The following PLCE1 variants were observed in gnomAD, a reference collection of about 807,000 sequenced individuals.
PLCE1 encodes phospholipase C epsilon 1.
A neutral mutation model predicts 242.8 loss-of-function variants in PLCE1; 119 were observed. The ratio of observed to expected loss-of-function variants is 0.49; its 90% CI spans 0.42 to 0.57. The LOEUF (loss-of-function observed/expected upper bound fraction) is 0.57, where lower values mean the gene tolerates loss of function less well. Among genes scored for constraint, PLCE1 ranks in the 20% least tolerant of loss-of-function variants. The probability of loss-of-function intolerance (pLI) is 0.00; values close to 1 mark genes in which losing one functional copy is unlikely to be tolerated. For synonymous variants in PLCE1, 945 were observed against 1,017.4 expected (o/e 0.93, Z 1.35); for missense variants, 2,441 against 2,788.8 (o/e 0.88, Z 2.81).
At chr10:94,125,922 G>A (rs2046423600) in intron 2 of PLCE1, among the ~76,000 whole-genome samples, 1 of 152,126 alleles carries the variant, frequency 6.6e-6, no homozygotes, top group Non-Finnish European at 1.5e-5. Flanking sequence ...TGTGGATGTG[G>A]TGTGTCTGGT....
intron 20 of PLCE1, chr10:94,283,207 GTTATGA>G: frequency 6.5e-6 from 1 of 152,742 alleles, no homozygotes; most frequent in Non-Finnish European, 1.5e-5. Context: ...TTTATTTTCT[GTTATGA>G]TTATCACTTA....
Position 94,298,359 on chromosome 10 carries a change from T to A in PLCE1, c.5168-20T>A. 1 of 1,612,802 alleles carries A rather than the reference T, an allele frequency of 6.2e-7. No individual in the cohort carries two copies. The highest frequency in any genetic ancestry group is 8.5e-7 in the Non-Finnish European group (1 of 1,178,792). The stretch of plus-strand genomic sequence containing the variant: ...AAAGTTTTCTACACTAATCTGCGGC[T>A]AATTTCTTGGGGGGTTTAGGTTCCT... On this transcript the variant is annotated intron_variant, in intron 23 of 32. Coordinates refer to ENST00000371380, the MANE Select transcript of PLCE1 (RefSeq NM_016341.4). This position sits in a 1 kb window ranked among gnomAD's most constrained non-coding sequence, Gnocchi z 5.2.
chr10:94,092,297 A>G (rs549000364), intron 2 of PLCE1, among the ~76,000 whole-genome samples: 1 of 152,254 alleles, frequency 6.6e-6, no homozygotes, highest in Non-Finnish European at 1.5e-5. Context: ...TCCCTACCCC[A>G]CCTTCTTTGT....
At chr10:94,128,970 T>A (rs1192570878) in intron 2 of PLCE1, among the ~76,000 whole-genome samples, 2 of 152,204 alleles carry the variant, frequency 1.3e-5, no homozygotes, top group African/African-American at 4.8e-5. Flanking sequence ...GAACTTCAGA[T>A]GTATATGTAA....
chr10:94,007,073 T>C (rs1287520310), intron 1 of PLCE1, among the ~76,000 whole-genome samples: 2 of 151,980 alleles, frequency 1.3e-5, no homozygotes, highest in African/African-American at 2.4e-5. Flanking sequence ...AAGAGGACTA[T>C]GGATGATTAG....
In PLCE1 at chr10:94,175,054, TA is replaced by T. The variant is rs1003319190; in HGVS notation, c.1809+3567del. On this transcript the variant is annotated intron_variant, in intron 4 of 32. Transcript: ENST00000371380. ...CTGTAAATCTAAAATTACTTCAAAA[TA>T]AAAAAAAATTGTAAGCAGTGAGCTC... Among the ~76,000 whole-genome samples the T allele has an allele frequency of 4.0e-3, 614 of 151,724 alleles. 5 individuals are homozygous for T. The highest frequency in any genetic ancestry group is 0.014 in the African/African-American group (581 of 41,430).
chr10:94,312,422 C>T (rs1378808429), intron 27 of PLCE1, among the ~76,000 whole-genome samples: 2 of 152,214 alleles, frequency 1.3e-5, no homozygotes, highest in Admixed American at 6.5e-5. Flanking sequence ...GCTGAGGTTC[C>T]CAGAATGCCC....
Position 94,330,052 on chromosome 10 carries a change from G to T in PLCE1, c.*2109G>T, listed in dbSNP as rs1342172298. 6.6e-6 allele frequency: 1 copy of T among 152,136 alleles called. No individual in the cohort carries two copies. The highest frequency in any genetic ancestry group is 1.5e-5 in the Non-Finnish European group (1 of 68,036). The allele number at this position is 152,136 out of a possible 1,614,324, so 9.4% of individuals were successfully genotyped here. A position where few individuals can be genotyped will look rare whatever the true frequency, so the allele number is the denominator to read the frequency against. ...CATGCCAAACAGTTTGCCCTACCACGTGTTGAAAACTGAGTTGCTGGTCTA... is the reference window on the plus strand; with the variant it reads ...CATGCCAAACAGTTTGCCCTACCACTTGTTGAAAACTGAGTTGCTGGTCTA... On this transcript the variant is annotated 3_prime_UTR_variant, in exon 33 of 33. Coordinates refer to ENST00000371380, the MANE Select transcript of PLCE1 (RefSeq NM_016341.4).
chr10:94,100,741 A>G (rs1490673788), intron 2 of PLCE1: 2 of 152,160 alleles, frequency 1.3e-5, no homozygotes. Context: ...GGTGTGAGTT[A>G]ATTGTGTCTG....
rs565698703 is a variant in PLCE1 at position 94,173,500 on chromosome 10, T to C, written c.1809+2004T>C. ...TCATGAATTATTTTAAACTTCCAGA[T>C]CTACCCACTCTCACATCCTTAGGAC... On this transcript the variant is annotated intron_variant, in intron 4 of 32. Transcript: ENST00000371380. Among the ~76,000 whole-genome samples, 237 of 152,350 alleles carry C rather than the reference T, an allele frequency of 1.6e-3. 1 individual carries two copies. Among genetic ancestry groups the C allele is most frequent in the Middle Eastern group, 3.4e-3 (1 of 294 alleles).
intron 4 of PLCE1, 47 bp from the exon 5 acceptor site, chr10:94,227,259 A>G: frequency 6.3e-7 from 1 of 1,599,782 alleles, no homozygotes; most frequent in Non-Finnish European, 8.6e-7. Context: ...AAAAATTGCC[A>G]AGCTTCTAGG....
At chr10:94,135,270 ATTAAG>A (rs2046733957) in intron 3 of PLCE1, among the ~76,000 whole-genome samples, 1 of 152,222 alleles carries the variant, frequency 6.6e-6, no homozygotes, top group Non-Finnish European at 1.5e-5. Context: ...ACTTAAAAAA[ATTAAG>A]TTAAAAAAAA....
At position 94,032,150 on chromosome 10, in the gene PLCE1, A is replaced by T. The variant is rs771184962; in HGVS notation, c.1104A>T (p.Arg368Ser). Residue 368 changes from arginine (R) to serine (S), a missense_variant, in exon 2 of 33, where the codon AGA becomes AGT. This residue lies in a region of PLCE1 where 733 missense variants were observed against 754.2 expected (regional missense o/e 0.97). Coordinates refer to ENST00000371380, the MANE Select transcript of PLCE1 (RefSeq NM_016341.4). The stretch of plus-strand genomic sequence containing the variant: ...CATGGAGTTACATAGATCAGAAGAG[A>T]AATGGTCCCTTACTGCCTTGTGGGA... ...LTAWSYIDQK[R>S]NGPLLPCGRV... 8 of 1,609,620 alleles carry T rather than the reference A, an allele frequency of 5.0e-6. No homozygotes were observed. Among genetic ancestry groups the T allele is most frequent in the Non-Finnish European group, 6.8e-6 (8 of 1,178,812 alleles).
At chr10:94,048,668 A>G (rs2043667650) in intron 2 of PLCE1, among the ~76,000 whole-genome samples, 1 of 146,834 alleles carries the variant, frequency 6.8e-6, no homozygotes, top group African/African-American at 2.5e-5. Context: ...GCATATATAC[A>G]TATATATTTA....
intron 3 of PLCE1, among the ~76,000 whole-genome samples, chr10:94,134,291 G>A (rs1026044135): frequency 6.6e-6 from 1 of 152,088 alleles, no homozygotes; most frequent in South Asian, 2.1e-4. Context: ...TAGAGACGGG[G>A]TTTTGCCATG....
intron 4 of PLCE1, among the ~76,000 whole-genome samples, chr10:94,208,936 A>G (rs1217605412): frequency 6.6e-6 from 1 of 152,196 alleles, no homozygotes; most frequent in African/African-American, 2.4e-5. Context: ...CATGACCCCA[A>G]ACTTCAGTCC....
chr10:94,236,137 A>G lies in PLCE1; in HGVS notation c.2420+17A>G, dbSNP rs766291902. ...CCGATGGCAGTAAGTTTTACACGTT[A>G]AAAGTGAGGAATGCTCATCTCTTCT... is the stretch of plus-strand genomic sequence containing the variant. On this transcript the variant is annotated intron_variant, in intron 7 of 32. Transcript: ENST00000371380. 1 of 1,598,082 alleles carries G rather than the reference A, an allele frequency of 6.3e-7. No homozygotes were observed. Among genetic ancestry groups the G allele is most frequent in the Non-Finnish European group, 8.6e-7 (1 of 1,166,494 alleles).
chr10:94,285,001 A>G, intron 22 of PLCE1, 36 bp downstream of exon 22: 1 of 1,155,138 alleles, frequency 8.7e-7, no homozygotes, highest in Non-Finnish European at 1.3e-6. Context: ...ACTTTTAAAG[A>G]TATCAAAGGT....
chr10:94,321,348 G>C (rs547660194), intron 29 of PLCE1, among the ~76,000 whole-genome samples: 1 of 152,322 alleles, frequency 6.6e-6, no homozygotes, highest in South Asian at 2.1e-4. Context: ...AAAATCCACA[G>C]CTAGGCGGGG....
Sources: gnomAD v4.1 joint callset for allele counts (sites outside exome capture counted in the v4.1 genomes callset) on GRCh38, gnomAD v4.1.1 for gene constraint, gnomAD v4.1.1 regional missense constraint, Gnocchi (gnomAD v3.1) non-coding constraint, MANE v1.5 for transcripts, NCBI Gene and HGNC (gene_info 2026-07-23, HGNC 2026-07-21) for gene names.